The following BRWD1 variants were observed in gnomAD, a reference collection of about 807,000 sequenced individuals.
The protein encoded by BRWD1 is bromodomain and WD repeat domain containing 1, also known as bromodomain and WD repeat-containing protein 1.
Under a neutral mutation model 251.2 loss-of-function variants are expected in BRWD1, and 82 were observed. The observed-to-expected ratio is 0.33, with a 90% confidence interval of 0.27 to 0.39. The LOEUF (loss-of-function observed/expected upper bound fraction) is 0.39, where lower values mean the gene tolerates loss of function less well. Among genes scored for constraint, BRWD1 ranks in the 10% least tolerant of loss-of-function variants. BRWD1 has a pLI of 1.00. For synonymous variants in BRWD1, 918 were observed against 902.8 expected (o/e 1.02, Z -0.30); for missense variants, 2,233 against 2,711.6 (o/e 0.82, Z 3.92).
intron 4 of BRWD1, among the ~76,000 whole-genome samples, chr21:39,307,236 G>A (rs1396297536): frequency 2.0e-5 from 3 of 152,148 alleles, no homozygotes; most frequent in Non-Finnish European, 4.4e-5. Flanking sequence ...ACTACACTTA[G>A]AAGCGTACAG....
intron 34 of BRWD1, among the ~76,000 whole-genome samples, 161 bp from the exon 35 acceptor site, chr21:39,211,090 C>CA (rs2032636776): frequency 6.6e-6 from 1 of 152,116 alleles, no homozygotes; most frequent in African/African-American, 2.4e-5. Context: ...ATGCATGAAA[C>CA]GTAAGTTATT....
intron 37 of BRWD1, among the ~76,000 whole-genome samples, chr21:39,204,562 G>A (rs1042279402): frequency 6.6e-6 from 1 of 152,124 alleles, no homozygotes. Context: ...GAGGTACATT[G>A]TATCAAGGGT....
Position 39,192,211 on chromosome 21 carries a change from A to C in BRWD1, c.*4048T>G. The C allele has an allele frequency of 1.0e-6, 1 of 984,960 alleles. No individual in the cohort carries two copies. Among genetic ancestry groups the C allele is most frequent in the Non-Finnish European group, 1.2e-6 (1 of 829,802 alleles). 61.0% of individuals were successfully genotyped at this position (984,960 alleles called of 1,614,324 possible). ...ATCTCTGTAATTTAACAGCCTTTAA[A>C]ACTTAAAATCGTAAGAAAAGACAAC... On this transcript the variant is annotated 3_prime_UTR_variant, in exon 41 of 41. Transcript: ENST00000342449.
intron 8 of BRWD1, among the ~76,000 whole-genome samples, chr21:39,281,943 TATATATGTAGAC>T (rs1372245584): frequency 6.6e-6 from 1 of 151,534 alleles, no homozygotes; most frequent in East Asian, 1.9e-4. Flanking sequence ...TATACATGTG[TATATATGTAGAC>T]ATATATGTAT....
At chr21:39,310,703 G>A (rs1172613623) in intron 4 of BRWD1, among the ~76,000 whole-genome samples, 2 of 151,792 alleles carry the variant, frequency 1.3e-5, no homozygotes, top group Non-Finnish European at 2.9e-5. Context: ...TTGTTGTTGC[G>A]TTTCGAGACA....
At chr21:39,254,647 G>C (rs764542345) in intron 19 of BRWD1, among the ~76,000 whole-genome samples, 4 of 152,168 alleles carry the variant, frequency 2.6e-5, no homozygotes, top group African/African-American at 9.7e-5. Flanking sequence ...TTTGCTACTT[G>C]AAAACTAAGT....
chr21:39,193,493 CT>C lies in BRWD1; in HGVS notation c.*2765del, dbSNP rs1270711919. ...TTTGAAATCATTTTTCCTTTATATG[CT>C]TGGTAAAGTGAGTCTTTCCAAGAAA... On this transcript the variant is annotated 3_prime_UTR_variant, in exon 41 of 41. Coordinates refer to ENST00000342449, the MANE Select transcript of BRWD1 (RefSeq NM_033656.4). 4 of 985,080 alleles carry C rather than the reference CT, an allele frequency of 4.1e-6. No homozygotes were observed. In the African/African-American group the frequency reaches 5.2e-5, roughly 13 times the overall value. The allele number at this position is 985,080 out of a possible 1,614,324, so 61.0% of individuals were successfully genotyped here.
chr21:39,220,401 C>G (rs1463741465), intron 29 of BRWD1, among the ~76,000 whole-genome samples: 1 of 152,204 alleles, frequency 6.6e-6, no homozygotes, highest in African/African-American at 2.4e-5. Context: ...CCTTAGAAGT[C>G]AAAAGTAAAT....
At chr21:39,270,456 G>A (rs1200965431) in intron 13 of BRWD1, 23 bp from the exon 14 acceptor site, 2 of 1,574,180 alleles carry the variant, frequency 1.3e-6, no homozygotes, top group Non-Finnish European at 1.7e-6. Flanking sequence ...TACACAACAT[G>A]TAAACTTATT....
upstream of BRWD1, chr21:39,313,858 G>T: frequency 3.0e-6 from 1 of 335,290 alleles, no homozygotes; most frequent in Non-Finnish European, 5.6e-6. Context: ...GAGGGCGCGT[G>T]GTCCGAATCC....
intron 10 of BRWD1, among the ~76,000 whole-genome samples, chr21:39,278,022 G>A (rs188014176): frequency 1.3e-5 from 2 of 150,516 alleles, no homozygotes; most frequent in African/African-American, 2.4e-5. Flanking sequence ...TTTTTGTTTT[G>A]TTTTTTTTTA....
At position 39,190,519 on chromosome 21, in the gene BRWD1, C is replaced by G; in HGVS notation, c.*5740G>C. 1 of 985,324 alleles carries G rather than the reference C, an allele frequency of 1.0e-6. No individual in the cohort carries two copies. The highest frequency in any genetic ancestry group is 1.2e-6 in the Non-Finnish European group (1 of 829,918). 61.0% of individuals were successfully genotyped at this position (985,324 alleles called of 1,614,324 possible). A position where few individuals can be genotyped will look rare whatever the true frequency, so the allele number is the denominator to read the frequency against. On this transcript the variant is annotated 3_prime_UTR_variant, in exon 41 of 41. Transcript: ENST00000342449. ...CAAATCCACAAAGTGGGTAAACCCT[C>G]TAGGTGCAAGTTATAAGCTCCCTCA... is the stretch of plus-strand genomic sequence containing the variant.
At chr21:39,238,340 C>A in intron 22 of BRWD1, 139 bp downstream of exon 22, 31 of 497,970 alleles carry the variant, frequency 6.2e-5, no homozygotes, top group East Asian at 1.2e-4. Flanking sequence ...GCTGTTGGAT[C>A]TAGTTTTTGT....
At chr21:39,312,090 C>G (rs2036503562) in intron 4 of BRWD1, among the ~76,000 whole-genome samples, 1 of 152,160 alleles carries the variant, frequency 6.6e-6, no homozygotes, top group African/African-American at 2.4e-5. Flanking sequence ...ACAAACGAAT[C>G]CCTGCAACTG....
chr21:39,213,152 A>G (rs1481093730), intron 33 of BRWD1, among the ~76,000 whole-genome samples: 1 of 152,050 alleles, frequency 6.6e-6, no homozygotes, highest in East Asian at 1.9e-4. Flanking sequence ...CAATCTTCCC[A>G]TCTCAGCCTG....
At chr21:39,276,262 G>A in intron 11 of BRWD1, 49 bp from the exon 12 acceptor site, 1 of 1,511,472 alleles carries the variant, frequency 6.6e-7, no homozygotes, top group African/African-American at 1.4e-5. Context: ...TACATGGTCT[G>A]TGAATTTGAA....
At chr21:39,313,838 T>C (rs1601526806), upstream of BRWD1, 1 of 325,036 alleles carries the variant, frequency 3.1e-6, no homozygotes, top group Non-Finnish European at 5.8e-6. Context: ...CAGCAGCGAG[T>C]GGGGGAGGGG....
chr21:39,315,356 G>A (rs2036679527), upstream of BRWD1, among the ~76,000 whole-genome samples: 1 of 151,960 alleles, frequency 6.6e-6, no homozygotes, highest in South Asian at 2.1e-4. Context: ...TGAGGCTGTC[G>A]GGTATGGTGG....
At chr21:39,256,232 CACATT>C (rs1359450264) in intron 18 of BRWD1, among the ~76,000 whole-genome samples, 1 of 152,168 alleles carries the variant, frequency 6.6e-6, no homozygotes, top group Non-Finnish European at 1.5e-5. Flanking sequence ...ATGTACATTT[CACATT>C]ACATTATATA....
Sources: allele counts gnomAD v4.1 joint callset (sites outside exome capture counted in the v4.1 genomes callset), GRCh38; gene constraint gnomAD v4.1.1; transcripts MANE v1.5; gene names NCBI Gene and HGNC (gene_info 2026-07-23, HGNC 2026-07-21).